The following MAP6D1 variants were observed in gnomAD, a reference collection of about 807,000 sequenced individuals.
The protein encoded by MAP6D1 is MAP6 domain containing 1, also known as MAP6 domain-containing protein 1.
A neutral mutation model predicts 17.4 loss-of-function variants in MAP6D1; 13 were observed. That is an observed-to-expected ratio of 0.75 (90% CI 0.49 to 1.19). The LOEUF is 1.19. MAP6D1 is among the 50% of genes most tolerant of loss of function. The pLI, the probability that MAP6D1 is intolerant of heterozygous loss-of-function variation, is 0.00. For synonymous variants in MAP6D1, 141 were observed against 145.7 expected (o/e 0.97, Z 0.23); for missense variants, 313 against 312.6 (o/e 1.00, Z -0.01).
chr3:183,825,556 C>A lies in MAP6D1; in HGVS notation c.-9G>T. 2 of 1,207,132 alleles carry A rather than the reference C, an allele frequency of 1.7e-6. No homozygotes were observed. Among genetic ancestry groups the A allele is most frequent in the East Asian group, 6.9e-5 (2 of 29,108 alleles). 74.8% of individuals were successfully genotyped at this position (1,207,132 alleles called of 1,614,324 possible). A position where few individuals can be genotyped will look rare whatever the true frequency, so the allele number is the denominator to read the frequency against. ...ATACAGGGCCACGCCATGCCAGCCCCGGCGCCCGCCGCCCCGCTCCCGGCG... is the reference window on the plus strand; with the variant it reads ...ATACAGGGCCACGCCATGCCAGCCCAGGCGCCCGCCGCCCCGCTCCCGGCG... On this transcript the variant is annotated 5_prime_UTR_variant, in exon 1 of 3. Coordinates refer to ENST00000318631, the MANE Select transcript of MAP6D1 (RefSeq NM_024871.4).
chr3:183,822,042 C>A (rs950934141), intron 1 of MAP6D1, among the ~76,000 whole-genome samples: 2 of 152,114 alleles, frequency 1.3e-5, no homozygotes, highest in African/African-American at 2.4e-5. Context: ...ATCATCATTT[C>A]TTTGGGATAA....
intron 2 of MAP6D1, 87 bp from the exon 3 acceptor site, chr3:183,817,523 C>CCT: frequency 8.3e-7 from 1 of 1,201,744 alleles, no homozygotes; most frequent in Non-Finnish European, 1.2e-6. Flanking sequence ...GAAAAAATCC[C>CCT]CTCCCATCCT....
At position 183,818,735 on chromosome 3, in the gene MAP6D1, C is replaced by T. The variant is rs573482983; in HGVS notation, c.402-624G>A. Among the ~76,000 whole-genome samples the T allele has an allele frequency of 6.6e-5, 10 of 152,312 alleles. No individual in the cohort carries two copies. The East Asian group carries it at 9.7e-4, about 15-fold the overall frequency. Reference sequence around the variant, plus strand: ...CATTAACTCATGCAGAAGAATGGATCGCAGTGACCATCTCAAAAGACTCCA... The same window carrying T: ...CATTAACTCATGCAGAAGAATGGATTGCAGTGACCATCTCAAAAGACTCCA... On this transcript the variant is annotated intron_variant, in intron 1 of 2. Transcript: ENST00000318631.
chr3:183,818,650 C>G (rs1290099680), intron 1 of MAP6D1, among the ~76,000 whole-genome samples: 6 of 152,226 alleles, frequency 3.9e-5, no homozygotes, highest in Non-Finnish European at 8.8e-5. Flanking sequence ...GCTTGCCAGA[C>G]CCGCTTAAGA....
intron 2 of MAP6D1, among the ~76,000 whole-genome samples, chr3:183,817,790 T>C (rs1204812376): frequency 6.6e-6 from 1 of 152,188 alleles, no homozygotes; most frequent in African/African-American, 2.4e-5. Flanking sequence ...AGAGAGACCC[T>C]GCTCACCAGA....
At chr3:183,822,065 G>T (rs1324593318) in intron 1 of MAP6D1, among the ~76,000 whole-genome samples, 1 of 151,920 alleles carries the variant, frequency 6.6e-6, no homozygotes, top group Non-Finnish European at 1.5e-5. Flanking sequence ...TCCTAACTGT[G>T]GAATTAAAGA....
At chr3:183,822,062 T>C (rs1333231000) in intron 1 of MAP6D1, among the ~76,000 whole-genome samples, 1 of 152,192 alleles carries the variant, frequency 6.6e-6, no homozygotes, top group Non-Finnish European at 1.5e-5. Flanking sequence ...AATTCCTAAC[T>C]GTGGAATTAA....
At chr3:183,823,068 C>G (rs1196786937) in intron 1 of MAP6D1, among the ~76,000 whole-genome samples, 1 of 152,224 alleles carries the variant, frequency 6.6e-6, no homozygotes, top group Non-Finnish European at 1.5e-5. Context: ...AAACACTGCT[C>G]ACTGCAGCCT....
At chr3:183,822,400 C>T (rs1403128866) in intron 1 of MAP6D1, among the ~76,000 whole-genome samples, 1 of 151,898 alleles carries the variant, frequency 6.6e-6, no homozygotes, top group South Asian at 2.1e-4. Flanking sequence ...GAGATCATGT[C>T]CCTGCACTCC....
In MAP6D1 at chr3:183,817,316, C is replaced by T; in HGVS notation, c.*40G>A. On this transcript the variant is annotated 3_prime_UTR_variant, in exon 3 of 3. Coordinates refer to ENST00000318631, the MANE Select transcript of MAP6D1 (RefSeq NM_024871.4). ...AGTGGGTCCTGAGGCCGCTCCCCAGCCCTGTCCTGTCGGCAGCCATGGTGT... is the reference window on the plus strand; with the variant it reads ...AGTGGGTCCTGAGGCCGCTCCCCAGTCCTGTCCTGTCGGCAGCCATGGTGT... 6.5e-7 allele frequency: 1 copy of T among 1,544,602 alleles called. No individual in the cohort carries two copies. Among genetic ancestry groups the T allele is most frequent in the Non-Finnish European group, 8.8e-7 (1 of 1,141,362 alleles).
chr3:183,821,428 C>A (rs996866725), intron 1 of MAP6D1, among the ~76,000 whole-genome samples: 8 of 152,108 alleles, frequency 5.3e-5, no homozygotes, highest in African/African-American at 1.7e-4. Flanking sequence ...GAGTGCTGAG[C>A]CTGGTGTGCG....
intron 1 of MAP6D1, among the ~76,000 whole-genome samples, chr3:183,822,569 CA>C (rs1727285684): frequency 6.6e-6 from 1 of 152,202 alleles, no homozygotes; most frequent in Non-Finnish European, 1.5e-5. Flanking sequence ...TGGGTACCAC[CA>C]CCATTATCAA....
At chr3:183,821,707 A>C (rs1356490763) in intron 1 of MAP6D1, among the ~76,000 whole-genome samples, 1 of 151,898 alleles carries the variant, frequency 6.6e-6, no homozygotes, top group African/African-American at 2.4e-5. Context: ...CATCACGCCC[A>C]GCTAATTTTT....
chr3:183,825,099 C>T (rs1727351471), intron 1 of MAP6D1, 48 bp downstream of exon 1: 2 of 1,317,906 alleles, frequency 1.5e-6, no homozygotes, highest in Admixed American at 4.0e-5. Context: ...CCTCCGCGTC[C>T]TCCCACCACA....
chr3:183,825,017 C>T, intron 1 of MAP6D1, 130 bp downstream of exon 1: 2 of 1,038,904 alleles, frequency 1.9e-6, no homozygotes, highest in Non-Finnish European at 2.5e-6. Flanking sequence ...CCGCCGGCAG[C>T]TCCGAGGTCG....
rs3732582 is a variant in MAP6D1 at position 183,816,281 on chromosome 3, G to C, written c.*1075C>G. The C allele has an allele frequency of 0.14, 22,016 of 152,234 alleles. 1,798 individuals carry two copies. Among genetic ancestry groups the C allele is most frequent in the East Asian group, 0.31 (1,579 of 5,170 alleles). The allele number at this position is 152,234 out of a possible 1,614,324, so 9.4% of individuals were successfully genotyped here. A position where few individuals can be genotyped will look rare whatever the true frequency, so the allele number is the denominator to read the frequency against. Reference sequence around the variant, plus strand: ...TCTCACTAGAGCCACTTGTGGGCTGGAGAGGAAGAAAGATCCAAAGGGAAA... The same window carrying C: ...TCTCACTAGAGCCACTTGTGGGCTGCAGAGGAAGAAAGATCCAAAGGGAAA... On this transcript the variant is annotated 3_prime_UTR_variant, in exon 3 of 3. Coordinates refer to ENST00000318631, the MANE Select transcript of MAP6D1 (RefSeq NM_024871.4).
At chr3:183,824,739 C>T (rs543875741) in intron 1 of MAP6D1, among the ~76,000 whole-genome samples, 4 of 152,366 alleles carry the variant, frequency 2.6e-5, no homozygotes, top group African/African-American at 9.6e-5. Context: ...TCACCACCAA[C>T]GCCCGCACAC....
At chr3:183,825,073 T>C (rs1727350690) in intron 1 of MAP6D1, 74 bp downstream of exon 1, 1 of 1,276,490 alleles carries the variant, frequency 7.8e-7, no homozygotes, top group African/African-American at 1.6e-5. Flanking sequence ...GCCCACCCCA[T>C]CCCTCTGGCT....
In MAP6D1 at chr3:183,817,978, C is replaced by G; in HGVS notation, c.519+16G>C. 1 of 1,604,202 alleles carries G rather than the reference C, an allele frequency of 6.2e-7. No individual in the cohort carries two copies. Among genetic ancestry groups the G allele is most frequent in the Admixed American group, 1.7e-5 (1 of 59,988 alleles). ...CCTCTATACCCACACCCCTGCTACA[C>G]CAGCTTCCGGCTGACCTGGAAGCCG... On this transcript the variant is annotated intron_variant, in intron 2 of 2. Coordinates refer to ENST00000318631, the MANE Select transcript of MAP6D1 (RefSeq NM_024871.4).
Sources: gnomAD v4.1 joint callset for allele counts (sites outside exome capture counted in the v4.1 genomes callset) on GRCh38, gnomAD v4.1.1 for gene constraint, MANE v1.5 for transcripts, NCBI Gene and HGNC (gene_info 2026-07-23, HGNC 2026-07-21) for gene names.